CPS1: variants seen among roughly 807,000 people sequenced by gnomAD.
CPS1 encodes carbamoyl-phosphate synthase 1.
A neutral mutation model predicts 174.6 loss-of-function variants in CPS1; 109 were observed. That is an observed-to-expected ratio of 0.62 (90% CI 0.53 to 0.73). The LOEUF is 0.73. Among genes scored for constraint, CPS1 ranks in the 30% least tolerant of loss-of-function variants. The probability of loss-of-function intolerance (pLI) is 0.00; values close to 1 mark genes in which losing one functional copy is unlikely to be tolerated. For synonymous variants in CPS1, 637 were observed against 632.0 expected (o/e 1.01, Z -0.12); for missense variants, 1,689 against 1,821.9 (o/e 0.93, Z 1.33).
intron 32 of CPS1, among the ~76,000 whole-genome samples, chr2:210,662,641 A>G (rs922400886): frequency 6.6e-6 from 1 of 152,258 alleles, no homozygotes; most frequent in Admixed American, 6.5e-5. Flanking sequence ...AGAGGTGTCA[A>G]CAACAGTTTA....
chr2:210,602,093 C>T (rs529901291), intron 15 of CPS1, 109 bp from the exon 16 acceptor site: 1 of 1,279,060 alleles, frequency 7.8e-7, no homozygotes, highest in Admixed American at 1.9e-5. Flanking sequence ...TTTCTAGATT[C>T]ACTCTCCCCA....
intron 29 of CPS1, among the ~76,000 whole-genome samples, chr2:210,655,519 C>T (rs1700675008): frequency 7.2e-6 from 1 of 139,732 alleles, no homozygotes; most frequent in Non-Finnish European, 1.7e-5. Flanking sequence ...GGTGCCTGAG[C>T]TCAGTGGGGT....
intron 1 of CPS1, among the ~76,000 whole-genome samples, chr2:210,513,596 T>C (rs1695592010): frequency 6.6e-6 from 1 of 152,038 alleles, no homozygotes; most frequent in Non-Finnish European, 1.5e-5. Flanking sequence ...AGTAGACCTT[T>C]GTTGGATGCA....
intron 21 of CPS1, 133 bp downstream of exon 21, chr2:210,616,674 C>T (rs1559109051): frequency 9.9e-6 from 7 of 709,524 alleles, no homozygotes; most frequent in Non-Finnish European, 1.8e-5. Flanking sequence ...GAAAATAGTA[C>T]CCGTAGCCAG....
At position 210,668,298 on chromosome 2, in the gene CPS1, G is replaced by A. The variant is rs778889024; in HGVS notation, c.4101+14G>A. ...ATAGGCATCCAGGTAAGTGGTTTGT[G>A]GCTGTGTGCTTGCCCATGGTCATAC... On this transcript the variant is annotated intron_variant, in intron 34 of 37. Coordinates refer to ENST00000233072, the MANE Select transcript of CPS1 (RefSeq NM_001875.5). 6.4e-7 allele frequency: 1 copy of A among 1,574,630 alleles called. No individual in the cohort carries two copies. Among genetic ancestry groups the A allele is most frequent in the Non-Finnish European group, 8.7e-7 (1 of 1,144,014 alleles).
At chr2:210,488,705 A>G (rs1394768259) in intron 1 of CPS1, among the ~76,000 whole-genome samples, 1 of 152,158 alleles carries the variant, frequency 6.6e-6, no homozygotes, top group Non-Finnish European at 1.5e-5. Flanking sequence ...TAACTGAAAG[A>G]TCTCTCTTGG....
At chr2:210,519,503 GT>G (rs1695764535) in intron 1 of CPS1, 1 of 152,142 alleles carries the variant, frequency 6.6e-6, no homozygotes, top group Non-Finnish European at 1.5e-5. Flanking sequence ...TTTGGCATAG[GT>G]CTAATTCTGA....
At chr2:210,480,024 A>T (rs1478804344) in intron 1 of CPS1, among the ~76,000 whole-genome samples, 1 of 152,204 alleles carries the variant, frequency 6.6e-6, no homozygotes, top group African/African-American at 2.4e-5. Context: ...AAACTATGTT[A>T]GTTACAAAGA....
chr2:210,526,379 A>G (rs966018572), intron 1 of CPS1, among the ~76,000 whole-genome samples: 8 of 121,278 alleles, frequency 6.6e-5, no homozygotes, highest in African/African-American at 9.5e-5. Context: ...CTTAAAATAT[A>G]TTAAAAAAAA....
At chr2:210,596,218 TA>T (rs1191007041) in intron 13 of CPS1, among the ~76,000 whole-genome samples, 1 of 151,990 alleles carries the variant, frequency 6.6e-6, no homozygotes, top group African/African-American at 2.4e-5. Flanking sequence ...CTTACTGTAG[TA>T]AAATAAAACT....
chr2:210,510,087 G>A (rs1289359391), intron 1 of CPS1, among the ~76,000 whole-genome samples: 1 of 152,092 alleles, frequency 6.6e-6, no homozygotes, highest in Non-Finnish European at 1.5e-5. Context: ...TAAGCCAAAA[G>A]AACAAAGCTG....
intron 21 of CPS1, among the ~76,000 whole-genome samples, chr2:210,630,997 A>G (rs746972159): frequency 3.5e-4 from 52 of 150,068 alleles, no homozygotes; most frequent in Admixed American, 4.0e-4. Context: ...CGTCAGGCTT[A>G]GTTTTTTTCT....
intron 7 of CPS1, 56 bp from the exon 8 acceptor site, chr2:210,590,050 A>T: frequency 3.1e-6 from 5 of 1,608,714 alleles, no homozygotes; most frequent in Non-Finnish European, 4.3e-6. Context: ...TAGCAAAATT[A>T]TACTTTGGCA....
At chr2:210,646,838 A>T (rs974190037) in intron 25 of CPS1, among the ~76,000 whole-genome samples, 9 of 152,058 alleles carry the variant, frequency 5.9e-5, no homozygotes, top group African/African-American at 1.9e-4. Context: ...TTAGGAAGGG[A>T]CTTCGACTGG....
At position 210,516,281 on chromosome 2, in the gene CPS1, T is replaced by A. The variant is rs145220427; in HGVS notation, c.3+38515T>A. ...TTTTCTGCCTCAATGATCTGTCTAA[T>A]GCTGTCAGTGGGGTTTAAGTTCGGT... On this transcript the variant is annotated intron_variant, in intron 1 of 38. Transcript: ENST00000430249. Among the ~76,000 whole-genome samples the A allele has an allele frequency of 1.2e-3, 180 of 152,014 alleles. 2 individuals carry two copies. The East Asian group carries it at 0.028, about 24-fold the overall frequency.
chr2:210,607,070 C>A, intron 18 of CPS1, 129 bp downstream of exon 18: 1 of 775,904 alleles, frequency 1.3e-6, no homozygotes, highest in South Asian at 1.8e-5. Context: ...AGCTCCAAAT[C>A]ATTTATAGCA....
At chr2:210,480,253 A>T (rs1694523875) in intron 1 of CPS1, among the ~76,000 whole-genome samples, 1 of 152,132 alleles carries the variant, frequency 6.6e-6, no homozygotes, top group Admixed American at 6.5e-5. Flanking sequence ...ACAGACCAGG[A>T]AGTGGGATTT....
intron 1 of CPS1, among the ~76,000 whole-genome samples, chr2:210,478,931 CCCCTCCCTTCCCT>C (rs1418519144): frequency 3.3e-3 from 117 of 35,726 alleles, no homozygotes; most frequent in African/African-American, 6.1e-3. Context: ...CCCCCCTTCC[CCCCTCCCTTCCCT>C]CCCTCCCTCC....
chr2:210,591,796 C>G, intron 9 of CPS1, 35 bp from the exon 10 acceptor site: 1 of 1,606,634 alleles, frequency 6.2e-7, no homozygotes, highest in Non-Finnish European at 8.5e-7. Flanking sequence ...CTTCACTTTT[C>G]CTTTTCCCTA....
Sources: gnomAD v4.1 joint callset for allele counts (sites outside exome capture counted in the v4.1 genomes callset) on GRCh38, gnomAD v4.1.1 for gene constraint, MANE v1.5 for transcripts, NCBI Gene and HGNC (gene_info 2026-07-23, HGNC 2026-07-21) for gene names.